Variants in PROKR2 observed in about 807,000 individuals in gnomAD.
PROKR2 encodes the protein G protein-coupled receptor 73-like 1.
PROKR2 carries 26 observed loss-of-function variants against 23.4 expected under a neutral mutation model. The ratio of observed to expected loss-of-function variants is 1.11; its 90% CI spans 0.81 to 1.54. The LOEUF is 1.54. Ranked by LOEUF, PROKR2 falls within the 40% of genes most tolerant of loss-of-function variation. The pLI, the probability that PROKR2 is intolerant of heterozygous loss-of-function variation, is 0.00. For synonymous variants in PROKR2, 212 were observed against 201.2 expected, an observed-to-expected ratio of 1.05 and a Z score of -0.45; for missense variants, 453 against 511.5, an observed-to-expected ratio of 0.89 and a Z score of 1.10.
Position 5,300,786 on chromosome 20 carries a change from C to T in PROKR2, c.*1254G>A, listed in dbSNP as rs1484472079. On this transcript the variant is annotated 3_prime_UTR_variant, in exon 3 of 3. Transcript: ENST00000678254. ...AGTGGTCCAGTCCTTAGCAAAATGCCCACAGAGATTATGTTCATTGCCAGT... is the reference window on the plus strand; with the variant it reads ...AGTGGTCCAGTCCTTAGCAAAATGCTCACAGAGATTATGTTCATTGCCAGT... Among the ~76,000 whole-genome samples the T allele has an allele frequency of 3.9e-5, 6 of 152,218 alleles. No individual in the cohort carries two copies. The South Asian group carries it at 1.0e-3, about 26-fold the overall frequency.
rs753673244 is a variant in PROKR2, at chr20:5,314,185, C to A, written c.185G>T (p.Gly62Val). Residue 62 changes from glycine to valine, a missense_variant, in exon 2 of 3, where the codon GGC (glycine) becomes GTC (valine). Transcript: ENST00000678254. ...AKIVIGIALAGIMLVCGIGNF... is the reference protein window; with the variant it reads ...AKIVIGIALAVIMLVCGIGNF... Reference sequence around the variant, plus strand: ...ACCGATGCCGCAGACCAGCATGATGCCTGCCAGTGCAATGCCAATGACGAT... The same window carrying A: ...ACCGATGCCGCAGACCAGCATGATGACTGCCAGTGCAATGCCAATGACGAT... 1 of 1,614,198 alleles carries A rather than the reference C, an allele frequency of 6.2e-7. No homozygotes were observed. The highest frequency in any genetic ancestry group is 2.2e-5 in the East Asian group (1 of 44,880).
intron 2 of PROKR2, among the ~76,000 whole-genome samples, chr20:5,306,326 A>T (rs28825198): frequency 6.6e-5 from 10 of 152,378 alleles, no homozygotes; most frequent in Admixed American, 1.3e-4. Context: ...TTTAAGAGCC[A>T]TCAATTCAGT....
intron 1 of PROKR2, among the ~76,000 whole-genome samples, chr20:5,314,868 A>G (rs1025157804): frequency 1.3e-5 from 2 of 152,226 alleles, no homozygotes; most frequent in African/African-American, 2.4e-5. Flanking sequence ...AGGCTCCTAC[A>G]GCTGTCACAA....
At chr20:5,309,009 C>G (rs1979333651) in intron 2 of PROKR2, among the ~76,000 whole-genome samples, 1 of 152,108 alleles carries the variant, frequency 6.6e-6, no homozygotes, top group Admixed American at 6.5e-5. Context: ...CTGGCTGCAC[C>G]CTAGCTAGGT....
rs367775135 is a variant in PROKR2, at chr20:5,299,820, TG to T, written c.*2219del. ...TGTATTTTTCTAGAGATGGGGTTTT[TG>T]GCCATGTTGGCCAGGCTGGTCTTGA... On this transcript the variant is annotated 3_prime_UTR_variant, in exon 3 of 3. Transcript: ENST00000678254. Among the ~76,000 whole-genome samples the T allele has an allele frequency of 0.33, 9,214 of 28,078 alleles. 701 individuals are homozygous for T. Among genetic ancestry groups the T allele is most frequent in the African/African-American group, 0.42 (7,140 of 17,118 alleles). 18.4% of individuals were successfully genotyped at this position (28,078 alleles called of 152,430 possible).
At chr20:5,306,359 C>T (rs1466565311) in intron 2 of PROKR2, among the ~76,000 whole-genome samples, 1 of 152,234 alleles carries the variant, frequency 6.6e-6, no homozygotes, top group African/African-American at 2.4e-5. Flanking sequence ...GGGAGCATTA[C>T]AGCCAGGATT....
At chr20:5,307,964 A>G (rs1188540949) in intron 2 of PROKR2, among the ~76,000 whole-genome samples, 1 of 152,226 alleles carries the variant, frequency 6.6e-6, no homozygotes, top group Non-Finnish European at 1.5e-5. Context: ...CAGGAACTGG[A>G]GTGCTTAAAG....
chr20:5,302,540 A>G lies in PROKR2; in HGVS notation c.655T>C (p.Tyr219His), dbSNP rs553934141. Residue 219 changes from tyrosine (Y) to histidine (H), a missense_variant, in exon 3 of 3, where the codon TAC becomes CAC. Transcript: ENST00000678254. ...GQIWPVDQQLYYKSYFLFIFG... is the reference protein window; with the variant it reads ...GQIWPVDQQLHYKSYFLFIFG... ...ATGAAGAGGAAGTAGGACTTGTAGTAGAGCTGCTGATCCACAGGCCAGATC... is the reference window on the plus strand; with the variant it reads ...ATGAAGAGGAAGTAGGACTTGTAGTGGAGCTGCTGATCCACAGGCCAGATC... 1 of 1,614,250 alleles carries G rather than the reference A, an allele frequency of 6.2e-7. No homozygotes were observed. Among genetic ancestry groups the G allele is most frequent in the African/African-American group, 1.3e-5 (1 of 75,070 alleles).
Position 5,302,127 on chromosome 20 carries a change from C to G in PROKR2, c.1068G>C (p.Gln356His), listed in dbSNP as rs1258784930. ...GGTCAGCACTGGACTTGCTCCCCCG[C>G]TGGGAGGGACGCCAGTGCAGCAGCA... ...KMMLLHWRPS[Q>H]RGSKSSADLD... The change falls in exon 3 of 3, where the codon CAG becomes CAC. Residue 356 changes from glutamine to histidine, a missense_variant. By Grantham distance (24) the Gln-to-His change is conservative (BLOSUM62 0). Transcript: ENST00000678254. 2 of 1,614,228 alleles carry G rather than the reference C, an allele frequency of 1.2e-6. No homozygotes were observed. Among genetic ancestry groups the G allele is most frequent in the Admixed American group, 1.7e-5 (1 of 60,022 alleles).
At chr20:5,311,425 G>C in intron 2 of PROKR2, among the ~76,000 whole-genome samples, 1 of 152,120 alleles carries the variant, frequency 6.6e-6, no homozygotes, top group East Asian at 1.9e-4. Flanking sequence ...TGTTGTCTGT[G>C]GTGTTGTAAC....
At chr20:5,311,731 T>A (rs1439480504) in intron 2 of PROKR2, among the ~76,000 whole-genome samples, 2 of 152,194 alleles carry the variant, frequency 1.3e-5, no homozygotes, top group African/African-American at 4.8e-5. Flanking sequence ...TTGGCTAGAA[T>A]ATAAGCAGGC....
At chr20:5,304,197 G>A (rs189042725) in intron 2 of PROKR2, among the ~76,000 whole-genome samples, 3 of 152,088 alleles carry the variant, frequency 2.0e-5, no homozygotes, top group Admixed American at 6.6e-5. Context: ...ATTCAGGCAG[G>A]AATTCAGCAA....
rs190121648 is a variant in PROKR2 at position 5,305,251 on chromosome 20, C to G, written c.459-2515G>C. On this transcript the variant is annotated intron_variant, in intron 2 of 2. Transcript: ENST00000678254. ...TTTCCAGCTCAGGCCATTCCCTGAC[C>G]CCTGTACAATGTCTGTCCCCTGACA... is the stretch of plus-strand genomic sequence containing the variant. Among the ~76,000 whole-genome samples the G allele has an allele frequency of 1.4e-4, 22 of 152,308 alleles. No individual in the cohort carries two copies. In the East Asian group the frequency reaches 3.7e-3, roughly 25 times the overall value.
Position 5,316,467 on chromosome 20 carries a change from C to T in PROKR2, c.-9+27G>A, listed in dbSNP as rs1319751725. 4.6e-6 allele frequency: 2 copies of T among 439,254 alleles called. No homozygotes were observed. 27.2% of individuals were successfully genotyped at this position (439,254 alleles called of 1,614,324 possible). A position where few individuals can be genotyped will look rare whatever the true frequency, so the allele number is the denominator to read the frequency against. On this transcript the variant is annotated intron_variant, in intron 1 of 2. Transcript: ENST00000678254. This position sits in a 1 kb window ranked among gnomAD's most constrained non-coding sequence, Gnocchi z 5.0. ...CTCCCCCACCGCACCGACTGAGTCCCGGGACTGCAGGGATCTAAGCCCTTA... is the reference window on the plus strand; with the variant it reads ...CTCCCCCACCGCACCGACTGAGTCCTGGGACTGCAGGGATCTAAGCCCTTA...
In PROKR2 at chr20:5,302,058, GTCCACC is replaced by G. The variant is rs780145777; in HGVS notation, c.1131_1136del (p.Glu377_Val378del). On this transcript the variant is annotated inframe_deletion, in exon 3 of 3. Transcript: ENST00000678254. ...CAGTGGGTCACTTCAGCCTGATACAGTCCACCTCTTCTGTGGTGGGCACCCCGTTGG... is the reference window on the plus strand; with the variant it reads ...CAGTGGGTCACTTCAGCCTGATACAGTCTTCTGTGGTGGGCACCCCGTTGG... 6.8e-6 allele frequency: 11 copies of G among 1,614,072 alleles called. No homozygotes were observed. In the South Asian group the frequency reaches 7.7e-5, roughly 11 times the overall value.
intron 2 of PROKR2, among the ~76,000 whole-genome samples, chr20:5,308,917 G>C (rs1979330297): frequency 6.6e-6 from 1 of 152,124 alleles, no homozygotes; most frequent in South Asian, 2.1e-4. Context: ...AATTGCATTA[G>C]AGGAGATACC....
intron 2 of PROKR2, among the ~76,000 whole-genome samples, chr20:5,306,187 C>G (rs1979209748): frequency 6.6e-6 from 1 of 152,086 alleles, no homozygotes; most frequent in African/African-American, 2.4e-5. Flanking sequence ...TAAAAAGAAA[C>G]TGGAGGTTTT....
chr20:5,304,128 G>A (rs1367642976), intron 2 of PROKR2, among the ~76,000 whole-genome samples: 2 of 152,086 alleles, frequency 1.3e-5, no homozygotes, highest in Admixed American at 6.6e-5. Flanking sequence ...GACACTGGGT[G>A]AAAAGTAGTT....
chr20:5,314,046 G>A lies in PROKR2; in HGVS notation c.324C>T (p.Pro108=), dbSNP rs1348677151. ...GTACCACGTAGTAGTCCATCTCGAAGGGGCAGCAGATGATGGCCACCAGGA... is the reference window on the plus strand; with the variant it reads ...GTACCACGTAGTAGTCCATCTCGAAAGGGCAGCAGATGATGGCCACCAGGA... The part of the protein sequence containing the change: ...SDFLVAIICC[P]FEMDYYVVRQ... Residue 108 remains proline (P), a synonymous_variant, in exon 2 of 3, where the codon CCC becomes CCT. Coordinates refer to ENST00000678254, the MANE Select transcript of PROKR2 (RefSeq NM_144773.4). 1 of 1,614,098 alleles carries A rather than the reference G, an allele frequency of 6.2e-7. No individual in the cohort carries two copies. The highest frequency in any genetic ancestry group is 8.5e-7 in the Non-Finnish European group (1 of 1,180,040).
Sources: gnomAD v4.1 joint callset for allele counts (sites outside exome capture counted in the v4.1 genomes callset) on GRCh38, gnomAD v4.1.1 for gene constraint, Gnocchi (gnomAD v3.1) non-coding constraint, MANE v1.5 for transcripts, NCBI Gene and HGNC (gene_info 2026-07-23, HGNC 2026-07-21) for gene names.